The following ZNF423 variants were observed in gnomAD, a reference collection of about 807,000 sequenced individuals.
ZNF423 encodes zinc finger protein 423.
Under a neutral mutation model 95.8 loss-of-function variants are expected in ZNF423, and 12 were observed. The ratio of observed to expected loss-of-function variants is 0.13; its 90% CI spans 0.08 to 0.20. The LOEUF is 0.20. Among genes scored for constraint, ZNF423 ranks in the 10% least tolerant of loss-of-function variants. The pLI, the probability that ZNF423 is intolerant of heterozygous loss-of-function variation, is 1.00. For synonymous variants in ZNF423, 749 were observed against 711.9 expected (o/e 1.05, Z -0.83); for missense variants, 1,316 against 1,737.1 (o/e 0.76, Z 4.31).
chr16:49,594,089 C>G (rs932010720), intron 5 of ZNF423, among the ~76,000 whole-genome samples: 2 of 152,134 alleles, frequency 1.3e-5, no homozygotes, highest in African/African-American at 4.8e-5. Context: ...CTCCCCTCAG[C>G]CCCCCAGCTG....
At chr16:49,768,574 T>G (rs2033972718) in intron 2 of ZNF423, among the ~76,000 whole-genome samples, 1 of 152,112 alleles carries the variant, frequency 6.6e-6, no homozygotes, top group Admixed American at 6.5e-5. Context: ...ACCTGCCCGC[T>G]CCCAGTTTTC....
Position 49,796,334 on chromosome 16 carries a change from CT to C in ZNF423, c.41-6789del, listed in dbSNP as rs576241085. The stretch of plus-strand genomic sequence containing the variant: ...AGAGCAAGTGGCACTAGGCAGACAC[CT>C]GCATGCACCACCTCCTCCAGGTCAC... On this transcript the variant is annotated intron_variant, in intron 1 of 7. Coordinates refer to ENST00000563137, the MANE Select transcript of ZNF423 (RefSeq NM_001379286.1). Among the ~76,000 whole-genome samples the C allele has an allele frequency of 7.7e-4, 117 of 152,284 alleles. 1 individual carries two copies. Among genetic ancestry groups the C allele is most frequent in the African/African-American group, 2.4e-3 (98 of 41,566 alleles).
intron 3 of ZNF423, among the ~76,000 whole-genome samples, chr16:49,686,012 T>C (rs1343875305): frequency 1.3e-5 from 2 of 152,198 alleles, no homozygotes; most frequent in African/African-American, 4.8e-5. Context: ...GTTTCCAGTG[T>C]CCATTCTTCA....
intron 5 of ZNF423, among the ~76,000 whole-genome samples, chr16:49,604,223 C>T (rs1017970794): frequency 1.3e-5 from 2 of 152,234 alleles, no homozygotes; most frequent in Admixed American, 1.3e-4. Flanking sequence ...GCACCCACGG[C>T]CACTGACATT....
chr16:49,606,047 C>T (rs1971525898), intron 5 of ZNF423, among the ~76,000 whole-genome samples: 1 of 152,196 alleles, frequency 6.6e-6, no homozygotes, highest in African/African-American at 2.4e-5. Flanking sequence ...GCTGTCACAG[C>T]CGCGTGCACC....
At position 49,608,589 on chromosome 16, in the gene ZNF423, G is replaced by A. The variant is rs187538884; in HGVS notation, c.3601+17581C>T. ...GAAGCCAGACCAGCCAGGGACCCAA[G>A]GAGTGACAAAGCGGTGAGGATCCTG... On this transcript the variant is annotated intron_variant, in intron 5 of 7. Coordinates refer to ENST00000563137, the MANE Select transcript of ZNF423 (RefSeq NM_001379286.1). 4.4e-4 allele frequency among the ~76,000 whole-genome samples: 67 copies of A among 152,284 alleles called. No homozygotes were observed. In the East Asian group the frequency reaches 0.013, roughly 29 times the overall value.
chr16:49,542,754 C>T (rs2151740184), intron 5 of ZNF423, among the ~76,000 whole-genome samples: 1 of 152,326 alleles, frequency 6.6e-6, no homozygotes, highest in South Asian at 2.1e-4. Flanking sequence ...GCTCACCCGG[C>T]CAGATGCCGC....
chr16:49,511,253 G>A (rs948861798), intron 7 of ZNF423, among the ~76,000 whole-genome samples: 6 of 152,196 alleles, frequency 3.9e-5, no homozygotes, highest in Admixed American at 2.0e-4. Flanking sequence ...ATCATGCCCC[G>A]GGAGCTGCAT....
At chr16:49,753,833 C>G (rs1444556568) in intron 2 of ZNF423, among the ~76,000 whole-genome samples, 1 of 152,092 alleles carries the variant, frequency 6.6e-6, no homozygotes, top group Non-Finnish European at 1.5e-5. Flanking sequence ...GAGTTCGAGA[C>G]CAGCCTGGCC....
At chr16:49,843,791 G>A (rs1326791530) in intron 1 of ZNF423, among the ~76,000 whole-genome samples, 1 of 150,454 alleles carries the variant, frequency 6.6e-6, no homozygotes, top group African/African-American at 2.4e-5. Context: ...CGCCCACTTA[G>A]CTGGCCCCAC....
chr16:49,626,426 T>C (rs1181357977), intron 4 of ZNF423, among the ~76,000 whole-genome samples, 172 bp from the exon 5 acceptor site: 1 of 152,076 alleles, frequency 6.6e-6, no homozygotes, highest in Non-Finnish European at 1.5e-5. Context: ...TCTACCAGAC[T>C]GAGGAAGGGG....
At chr16:49,856,791 C>T (rs1255191988), upstream of ZNF423, among the ~76,000 whole-genome samples, 3 of 148,036 alleles carry the variant, frequency 2.0e-5, no homozygotes, top group Non-Finnish European at 4.5e-5. Context: ...CTGCGGTGCT[C>T]AGCGCGAGGC....
intron 5 of ZNF423, among the ~76,000 whole-genome samples, chr16:49,610,870 T>C (rs914857984): frequency 6.6e-6 from 1 of 151,982 alleles, no homozygotes; most frequent in South Asian, 2.1e-4. Context: ...AAAGGCTATA[T>C]TAATATTATA....
At chr16:49,799,553 T>G (rs2034549998) in intron 1 of ZNF423, among the ~76,000 whole-genome samples, 1 of 152,186 alleles carries the variant, frequency 6.6e-6, no homozygotes, top group Non-Finnish European at 1.5e-5. Context: ...GCTCAGCTTC[T>G]GTGCCAGCTC....
At chr16:49,763,472 G>A (rs1261127821) in intron 2 of ZNF423, among the ~76,000 whole-genome samples, 1 of 151,984 alleles carries the variant, frequency 6.6e-6, no homozygotes. Flanking sequence ...ATGGGGTTTT[G>A]CCTTGCTGGA....
rs551969053 is a variant in ZNF423 at position 49,492,928 on chromosome 16, C to G, written c.3850-1624G>C. 6.6e-6 allele frequency among the ~76,000 whole-genome samples: 1 copy of G among 152,244 alleles called. No individual in the cohort carries two copies. Among genetic ancestry groups the G allele is most frequent in the African/African-American group, 2.4e-5 (1 of 41,558 alleles). Reference sequence around the variant, plus strand: ...GGATTTTCAGGGGAGCCAGGCTTCCCAGGGCCTGCACCCCATGGGCACCGC... The same window carrying G: ...GGATTTTCAGGGGAGCCAGGCTTCCGAGGGCCTGCACCCCATGGGCACCGC... On this transcript the variant is annotated intron_variant, in intron 7 of 7. Transcript: ENST00000563137. The surrounding 1 kb of genome is among the most constrained non-coding windows in gnomAD (Gnocchi z 4.2).
At chr16:49,529,808 G>T (rs1236315197) in intron 5 of ZNF423, among the ~76,000 whole-genome samples, 1 of 152,142 alleles carries the variant, frequency 6.6e-6, no homozygotes. Flanking sequence ...CTGCAGCGGG[G>T]TGTGGACGGG....
chr16:49,762,391 C>T (rs1044075912), intron 2 of ZNF423, among the ~76,000 whole-genome samples: 1 of 152,196 alleles, frequency 6.6e-6, no homozygotes, highest in Non-Finnish European at 1.5e-5. Context: ...GATGCCCAGA[C>T]AGAATGCCCC....
intron 5 of ZNF423, among the ~76,000 whole-genome samples, chr16:49,577,272 C>T (rs1970529438): frequency 6.6e-6 from 1 of 152,214 alleles, no homozygotes; most frequent in African/African-American, 2.4e-5. Context: ...ATTGCTACTC[C>T]ATGTCAACAC....
Sources: gnomAD v4.1 joint callset for allele counts (sites outside exome capture counted in the v4.1 genomes callset) on GRCh38, gnomAD v4.1.1 for gene constraint, Gnocchi (gnomAD v3.1) non-coding constraint, MANE v1.5 for transcripts, NCBI Gene and HGNC (gene_info 2026-07-23, HGNC 2026-07-21) for gene names.